The following ULK4 variants were observed in gnomAD, a reference collection of about 807,000 sequenced individuals.
The protein encoded by ULK4 is unc-51 like kinase 4, also known as inactive serine/threonine-protein kinase ULK4.
Under a neutral mutation model 160.6 loss-of-function variants are expected in ULK4, and 133 were observed. That is an observed-to-expected ratio of 0.83 (90% CI 0.72 to 0.96). The LOEUF (loss-of-function observed/expected upper bound fraction) is 0.96, where lower values mean the gene tolerates loss of function less well. Among genes scored for constraint, ULK4 ranks in the 40% least tolerant of loss-of-function variants. The pLI, the probability that ULK4 is intolerant of heterozygous loss-of-function variation, is 0.00. For missense variants in ULK4, 1,580 were observed against 1,499.5 expected (o/e 1.05, Z -0.89); for synonymous variants, 534 against 539.8 (o/e 0.99, Z 0.15).
At chr3:41,726,535 T>A (rs1464185433) in intron 22 of ULK4, among the ~76,000 whole-genome samples, 1 of 152,218 alleles carries the variant, frequency 6.6e-6, no homozygotes, top group Non-Finnish European at 1.5e-5. Context: ...TACAAGGGTA[T>A]ATCAAGTTAA....
chr3:41,941,907 G>A (rs192770854), intron 2 of ULK4, among the ~76,000 whole-genome samples: 43 of 152,184 alleles, frequency 2.8e-4, no homozygotes, highest in Middle Eastern at 3.4e-3. Context: ...AAGGGAGCAT[G>A]GCAATTCCAA....
chr3:41,705,177 G>A (rs781780970), intron 26 of ULK4, 26 bp from the exon 27 acceptor site: 25 of 1,607,850 alleles, frequency 1.6e-5, no homozygotes, highest in Non-Finnish European at 2.1e-5. Context: ...ATTATTATAG[G>A]TGTTTATTTA....
At chr3:41,462,942 G>T (rs1466875413) in intron 33 of ULK4, 145 bp downstream of exon 33, 2 of 981,762 alleles carry the variant, frequency 2.0e-6, no homozygotes, top group Non-Finnish European at 1.4e-6. Context: ...ACCCAAAGAT[G>T]ACTCTTCAGA....
chr3:41,491,584 A>G (rs183183897), intron 32 of ULK4, among the ~76,000 whole-genome samples: 112 of 152,278 alleles, frequency 7.4e-4, no homozygotes, highest in Middle Eastern at 6.8e-3. Context: ...ACTAATGAGT[A>G]GCCACAAAAT....
At chr3:41,697,614 T>C (rs993094833) in intron 27 of ULK4, among the ~76,000 whole-genome samples, 12 of 152,116 alleles carry the variant, frequency 7.9e-5, no homozygotes, top group Admixed American at 7.2e-4. Context: ...ACATTTTTTT[T>C]CTACAGGCAT....
intron 32 of ULK4, among the ~76,000 whole-genome samples, chr3:41,497,520 A>T (rs964466165): frequency 2.0e-5 from 3 of 152,150 alleles, no homozygotes; most frequent in African/African-American, 7.2e-5. Context: ...GCAAAACAAA[A>T]TGTATTCTTG....
Position 41,653,245 on chromosome 3 carries a change from G to A in ULK4, c.3071+10362C>T, listed in dbSNP as rs956870553. 2.5e-4 allele frequency among the ~76,000 whole-genome samples: 38 copies of A among 152,084 alleles called. 1 individual carries two copies. The Middle Eastern group carries it at 0.017, about 68-fold the overall frequency. On this transcript the variant is annotated intron_variant, in intron 30 of 36. Transcript: ENST00000301831. ...CCAGAGCCAGGTACCAGACACCCAG[G>A]GACAGCCCTTACACTCCAGAGCCCA...
At chr3:41,350,876 G>A (rs1362899183) in intron 35 of ULK4, among the ~76,000 whole-genome samples, 1 of 152,140 alleles carries the variant, frequency 6.6e-6, no homozygotes, top group Admixed American at 6.5e-5. Flanking sequence ...TCCAGCACAG[G>A]GAAGTTCACA....
chr3:41,452,969 G>A lies in ULK4; in HGVS notation c.3492+2528C>T, dbSNP rs746039776. On this transcript the variant is annotated intron_variant, in intron 34 of 36. Coordinates refer to ENST00000301831, the MANE Select transcript of ULK4 (RefSeq NM_017886.4). ...GTTAATCCAGAGGCCAAGGAGAACGGTGGTAGGGAAAATGTACACTCAGTT... is the reference window on the plus strand; with the variant it reads ...GTTAATCCAGAGGCCAAGGAGAACGATGGTAGGGAAAATGTACACTCAGTT... 1.1e-4 allele frequency among the ~76,000 whole-genome samples: 17 copies of A among 152,112 alleles called. 1 individual carries two copies. Among genetic ancestry groups the A allele is most frequent in the South Asian group, 6.2e-4 (3 of 4,828 alleles).
intron 21 of ULK4, among the ~76,000 whole-genome samples, chr3:41,774,888 C>T (rs2039543891): frequency 6.6e-6 from 1 of 150,396 alleles, no homozygotes. Context: ...GAATACTATG[C>T]AGCCATAAAA....
At chr3:41,869,771 T>G (rs1251269883) in intron 17 of ULK4, among the ~76,000 whole-genome samples, 1 of 152,234 alleles carries the variant, frequency 6.6e-6, no homozygotes, top group African/African-American at 2.4e-5. Flanking sequence ...TAACAAGTTA[T>G]GAAAAATTGT....
At chr3:41,364,080 C>T (rs545497405) in intron 35 of ULK4, among the ~76,000 whole-genome samples, 2 of 152,200 alleles carry the variant, frequency 1.3e-5, no homozygotes, top group South Asian at 2.1e-4. Flanking sequence ...TACAGGCATG[C>T]GCCACCACCC....
chr3:41,533,889 G>C (rs1476729640), intron 32 of ULK4, among the ~76,000 whole-genome samples: 4 of 152,166 alleles, frequency 2.6e-5, no homozygotes, highest in African/African-American at 9.7e-5. Context: ...CTCACTGCAA[G>C]CTCCGCCTCC....
chr3:41,464,985 A>G (rs1045915925), intron 32 of ULK4, among the ~76,000 whole-genome samples: 1 of 152,202 alleles, frequency 6.6e-6, no homozygotes, highest in South Asian at 2.1e-4. Context: ...CTACTGTGTA[A>G]AAAACAGACA....
At chr3:41,821,789 T>G (rs1019006942) in intron 18 of ULK4, among the ~76,000 whole-genome samples, 1 of 152,058 alleles carries the variant, frequency 6.6e-6, no homozygotes, top group Non-Finnish European at 1.5e-5. Context: ...CACTAACTCC[T>G]CGCCCACTCC....
At chr3:41,611,257 G>T (rs1320352496) in intron 31 of ULK4, among the ~76,000 whole-genome samples, 1 of 152,184 alleles carries the variant, frequency 6.6e-6, no homozygotes, top group Admixed American at 6.5e-5. Context: ...GTCCATCACA[G>T]CTGCCTTGTG....
chr3:41,826,338 G>A (rs1210712306), intron 18 of ULK4, among the ~76,000 whole-genome samples: 2 of 152,086 alleles, frequency 1.3e-5, no homozygotes, highest in African/African-American at 4.8e-5. Context: ...TGGGCTAAAT[G>A]CTCCAATTAG....
rs192932986 is a variant in ULK4, at chr3:41,413,325, C to A, written c.3493-15061G>T. On this transcript the variant is annotated intron_variant, in intron 34 of 36. Coordinates refer to ENST00000301831, the MANE Select transcript of ULK4 (RefSeq NM_017886.4). Reference sequence around the variant, plus strand: ...GGGGACACAGCCAAGCCATATCAGGCGTGAATATAAAAGCTGAAACTATAA... The same window carrying A: ...GGGGACACAGCCAAGCCATATCAGGAGTGAATATAAAAGCTGAAACTATAA... Among the ~76,000 whole-genome samples, 14 of 151,896 alleles carry A rather than the reference C, an allele frequency of 9.2e-5. No homozygotes were observed. In the East Asian group the frequency reaches 2.3e-3, roughly 25 times the overall value.
At chr3:41,885,534 G>A (rs973647381) in intron 16 of ULK4, among the ~76,000 whole-genome samples, 3 of 152,050 alleles carry the variant, frequency 2.0e-5, no homozygotes, top group Non-Finnish European at 2.9e-5. Context: ...CATCTTTCAC[G>A]ACAGCATCTA....
Sources: allele counts gnomAD v4.1 joint callset (sites outside exome capture counted in the v4.1 genomes callset), GRCh38; gene constraint gnomAD v4.1.1; transcripts MANE v1.5; gene names NCBI Gene and HGNC (gene_info 2026-07-23, HGNC 2026-07-21).